The following SOBP variants were observed in gnomAD, a reference collection of about 807,000 sequenced individuals.
SOBP encodes sine oculis-binding protein homolog.
SOBP carries 4 observed loss-of-function variants against 53.6 expected under a neutral mutation model. The ratio of observed to expected loss-of-function variants is 0.07; its 90% CI spans 0.04 to 0.17. SOBP has a LOEUF of 0.17. Ranked by LOEUF, SOBP falls within the 10% of genes least tolerant of loss-of-function variation. The pLI, the probability that SOBP is intolerant of heterozygous loss-of-function variation, is 1.00. For missense variants in SOBP, 1,088 were observed against 1,204.7 expected (o/e 0.90, Z 1.43); for synonymous variants, 584 against 522.6 (o/e 1.12, Z -1.60).
At chr6:107,572,126 A>G (rs1487581515) in intron 4 of SOBP, among the ~76,000 whole-genome samples, 1 of 152,222 alleles carries the variant, frequency 6.6e-6, no homozygotes, top group African/African-American at 2.4e-5. Flanking sequence ...GATTATAAAT[A>G]AGAGATGATG....
chr6:107,543,708 A>T (rs1417305814), intron 4 of SOBP, among the ~76,000 whole-genome samples: 1 of 152,200 alleles, frequency 6.6e-6, no homozygotes, highest in African/African-American at 2.4e-5. Context: ...TCTTTACACG[A>T]TGGATGTGTC....
intron 5 of SOBP, among the ~76,000 whole-genome samples, chr6:107,631,663 G>A (rs548848226): frequency 6.6e-6 from 1 of 152,154 alleles, no homozygotes; most frequent in African/African-American, 2.4e-5. Context: ...AAACACAGGA[G>A]TATATTAGCA....
At chr6:107,532,274 A>ACACAC (rs1562594200) in intron 3 of SOBP, among the ~76,000 whole-genome samples, 14 of 143,020 alleles carry the variant, frequency 9.8e-5, no homozygotes, top group Non-Finnish European at 1.5e-4. Flanking sequence ...CACACACACC[A>ACACAC]CACACACACA....
intron 6 of SOBP, among the ~76,000 whole-genome samples, chr6:107,651,731 C>T (rs960584551): frequency 4.6e-5 from 7 of 152,214 alleles, no homozygotes; most frequent in Non-Finnish European, 7.3e-5. Context: ...GACTTCAAAG[C>T]TTCAAAGGAC....
rs60868307 is a variant in SOBP at position 107,612,969 on chromosome 6, G to A, written c.670-20545G>A. Reference sequence around the variant, plus strand: ...ATATTCCATTGTATGGCTATACCATGTTTTGTTTATCCATTCATCTGTTGA... The same window carrying A: ...ATATTCCATTGTATGGCTATACCATATTTTGTTTATCCATTCATCTGTTGA... On this transcript the variant is annotated intron_variant, in intron 5 of 6. Coordinates refer to ENST00000317357, the MANE Select transcript of SOBP (RefSeq NM_018013.4). Among the ~76,000 whole-genome samples the A allele has an allele frequency of 7.2e-3, 1,098 of 152,274 alleles. 15 individuals are homozygous for A. The highest frequency in any genetic ancestry group is 0.026 in the African/African-American group (1,065 of 41,534).
At chr6:107,500,711 CGGAT>C (rs367888586) in intron 1 of SOBP, among the ~76,000 whole-genome samples, 4,438 of 151,688 alleles carry the variant, frequency 0.029, 91 homozygotes, top group Admixed American at 0.069. Context: ...TTATTAGAGA[CGGAT>C]GGGGTTTCAC....
At chr6:107,614,133 G>A (rs1227528804) in intron 5 of SOBP, among the ~76,000 whole-genome samples, 1 of 152,196 alleles carries the variant, frequency 6.6e-6, no homozygotes, top group African/African-American at 2.4e-5. Context: ...CAGGCGCAGT[G>A]GCTCACGCCT....
In SOBP at chr6:107,634,740, C is replaced by A; in HGVS notation, c.1896C>A (p.Gly632=). 2 of 1,338,536 alleles carry A rather than the reference C, an allele frequency of 1.5e-6. No homozygotes were observed. Among genetic ancestry groups the A allele is most frequent in the East Asian group, 3.2e-5 (1 of 30,962 alleles). The allele number at this position is 1,338,536 out of a possible 1,614,324, so 82.9% of individuals were successfully genotyped here. Residue 632 remains glycine, a synonymous_variant, in exon 6 of 7, where the codon GGC becomes GGA. Coordinates refer to ENST00000317357, the MANE Select transcript of SOBP (RefSeq NM_018013.4). This position sits in a 1 kb window ranked among gnomAD's most constrained non-coding sequence, Gnocchi z 4.5. ...DLTRRAGSPP[G]PPGAGGQLGF... ...CGCGGCGCGCCGGCAGCCCCCCGGG[C>A]CCCCCGGGCGCGGGCGGCCAGCTCG...
At chr6:107,583,799 G>T (rs1158773478) in intron 4 of SOBP, among the ~76,000 whole-genome samples, 1 of 152,162 alleles carries the variant, frequency 6.6e-6, no homozygotes, top group Non-Finnish European at 1.5e-5. Context: ...TAGAGGTTGA[G>T]TGTTCCTTAT....
rs73518962 is a variant in SOBP at position 107,638,755 on chromosome 6, C to T, written c.*3+3286C>T. ...TGCAGGTGAATGATTTCTCCGTGTG[C>T]TTGTTGGTGATTCATTATATATTAT... is the stretch of plus-strand genomic sequence containing the variant. On this transcript the variant is annotated intron_variant, in intron 6 of 6. Coordinates refer to ENST00000317357, the MANE Select transcript of SOBP (RefSeq NM_018013.4). 4.6e-3 allele frequency among the ~76,000 whole-genome samples: 707 copies of T among 152,106 alleles called. 7 individuals are homozygous for T. Among genetic ancestry groups the T allele is most frequent in the African/African-American group, 0.017 (690 of 41,460 alleles).
chr6:107,548,081 G>A (rs1163901814), intron 4 of SOBP, among the ~76,000 whole-genome samples: 2 of 152,008 alleles, frequency 1.3e-5, no homozygotes, highest in Non-Finnish European at 2.9e-5. Flanking sequence ...TGAGGGATTT[G>A]TGAATCAAAT....
intron 1 of SOBP, among the ~76,000 whole-genome samples, chr6:107,491,348 G>C (rs1450091766): frequency 3.3e-5 from 5 of 152,172 alleles, no homozygotes; most frequent in Non-Finnish European, 5.9e-5. Context: ...TCACTTCCCA[G>C]CCAAGCAGAC....
intron 4 of SOBP, 85 bp downstream of exon 4, chr6:107,533,695 A>G (rs1783911828): frequency 1.9e-5 from 29 of 1,515,830 alleles, no homozygotes; most frequent in Non-Finnish European, 2.6e-5. Context: ...AGCGGAAAAC[A>G]CTGCGCACCT....
intron 5 of SOBP, among the ~76,000 whole-genome samples, chr6:107,591,574 G>A (rs1303441455): frequency 6.6e-6 from 1 of 152,216 alleles, no homozygotes; most frequent in Non-Finnish European, 1.5e-5. Context: ...AGGTGGGAAA[G>A]TATGGGCCAG....
At chr6:107,643,712 C>A (rs1771429948) in intron 6 of SOBP, among the ~76,000 whole-genome samples, 1 of 152,138 alleles carries the variant, frequency 6.6e-6, no homozygotes, top group African/African-American at 2.4e-5. Context: ...AGCCACCATG[C>A]CCAGCCTTTA....
chr6:107,635,240 G>T lies in SOBP; in HGVS notation c.2396G>T (p.Gly799Val), dbSNP rs369267831. The T allele has an allele frequency of 5.0e-6, 8 of 1,613,772 alleles. No homozygotes were observed. The African/African-American group carries it at 9.3e-5, about 19-fold the overall frequency. ...ATGGGCGAGGAGGCCCTGGCGGGGG[G>T]CGACAAGTCAGACCCGAACCTTAAT... is the stretch of plus-strand genomic sequence containing the variant. ...KLMGEEALAG[G>V]DKSDPNLNNP... Residue 799 changes from glycine (G) to valine (V), a missense_variant, in exon 6 of 7, where the codon GGC becomes GTC. Gly to Val is a moderately radical substitution (Grantham distance 109). Coordinates refer to ENST00000317357, the MANE Select transcript of SOBP (RefSeq NM_018013.4). This position sits in a 1 kb window ranked among gnomAD's most constrained non-coding sequence, Gnocchi z 4.5.
rs955689084 is a variant in SOBP, at chr6:107,659,255, A to T, written c.*1052A>T. On this transcript the variant is annotated 3_prime_UTR_variant, in exon 7 of 7. Transcript: ENST00000317357. The stretch of plus-strand genomic sequence containing the variant: ...GAAAACAAGAGGGAAAGTGAGAAAG[A>T]TCACCCATGATTCTGTTTCACTGTT... 1.3e-5 allele frequency: 2 copies of T among 152,644 alleles called. No homozygotes were observed. Among genetic ancestry groups the T allele is most frequent in the African/African-American group, 4.8e-5 (2 of 41,448 alleles). The allele number at this position is 152,644 out of a possible 1,614,324, so 9.5% of individuals were successfully genotyped here. A position where few individuals can be genotyped will look rare whatever the true frequency, so the allele number is the denominator to read the frequency against.
chr6:107,581,020 C>T (rs766947477), intron 4 of SOBP, among the ~76,000 whole-genome samples: 5 of 152,220 alleles, frequency 3.3e-5, no homozygotes, highest in African/African-American at 7.2e-5. Flanking sequence ...TTTATTCATT[C>T]GCTCACTCGG....
intron 4 of SOBP, among the ~76,000 whole-genome samples, chr6:107,574,174 C>G (rs973006943): frequency 1.3e-5 from 2 of 152,200 alleles, no homozygotes; most frequent in African/African-American, 4.8e-5. Flanking sequence ...AGGCAAAAGT[C>G]TTTCATCCCT....
Sources: gnomAD v4.1 joint callset for allele counts (sites outside exome capture counted in the v4.1 genomes callset) on GRCh38, gnomAD v4.1.1 for gene constraint, Gnocchi (gnomAD v3.1) non-coding constraint, MANE v1.5 for transcripts, NCBI Gene and HGNC (gene_info 2026-07-23, HGNC 2026-07-21) for gene names.